Variants in POLR3F observed in about 807,000 individuals in gnomAD.
POLR3F encodes RNA polymerase III subunit F.
In POLR3F, 31 loss-of-function variants were observed where a neutral mutation model predicts 43.6. The ratio of observed to expected loss-of-function variants is 0.71; its 90% CI spans 0.53 to 0.96. The LOEUF (loss-of-function observed/expected upper bound fraction) is 0.96. Among genes scored for constraint, POLR3F ranks in the 40% least tolerant of loss-of-function variants. The probability of loss-of-function intolerance (pLI) is 0.00; values close to 1 mark genes in which losing one functional copy is unlikely to be tolerated. For missense variants in POLR3F, 316 were observed against 391.7 expected, an observed-to-expected ratio of 0.81 and a Z score of 1.63; for synonymous variants, 114 against 132.5, an observed-to-expected ratio of 0.86 and a Z score of 0.96.
At chr20:18,481,559 C>A (rs2148867869) in intron 7 of POLR3F, 60 bp from the exon 8 acceptor site, 1 of 1,157,018 alleles carries the variant, frequency 8.6e-7, no homozygotes, top group Non-Finnish European at 1.3e-6. Flanking sequence ...GTTTTTAACA[C>A]CCTCCAAGTG....
In POLR3F at chr20:18,467,569, G is replaced by A; in HGVS notation, c.62+1G>A. The A allele has an allele frequency of 1.9e-6, 3 of 1,614,230 alleles. No homozygotes were observed. In the South Asian group the frequency reaches 3.3e-5, roughly 18 times the overall value. ...CGGATCCGGTCGAAATAGAAAACAG[G>A]TAAACCAGTGAGGCTCCGGCTTGGC... is the stretch of plus-strand genomic sequence containing the variant. On this transcript the variant is annotated splice_donor_variant, in intron 1 of 8. Coordinates refer to ENST00000377603, the MANE Select transcript of POLR3F (RefSeq NM_006466.4). LOFTEE classifies it high-confidence loss of function.
At position 18,472,767 on chromosome 20, in the gene POLR3F, G is replaced by T. The variant is rs577433398; in HGVS notation, c.181-75G>T. 3.6e-4 allele frequency: 247 copies of T among 695,528 alleles called. 2 individuals are homozygous for T. In the African/African-American group the frequency reaches 4.3e-3, roughly 12 times the overall value. The allele number at this position is 695,528 out of a possible 1,614,324, so 43.1% of individuals were successfully genotyped here. A position where few individuals can be genotyped will look rare whatever the true frequency, so the allele number is the denominator to read the frequency against. ...TGAAAAATTAAGAATGTTAAAGAATGCATCAACATTTGTCATTTGATTTAA... is the reference window on the plus strand; with the variant it reads ...TGAAAAATTAAGAATGTTAAAGAATTCATCAACATTTGTCATTTGATTTAA... On this transcript the variant is annotated intron_variant, in intron 2 of 8. Transcript: ENST00000377603.
At chr20:18,473,666 G>A (rs887969609) in intron 4 of POLR3F, among the ~76,000 whole-genome samples, 1 of 152,192 alleles carries the variant, frequency 6.6e-6, no homozygotes, top group Non-Finnish European at 1.5e-5. Flanking sequence ...AAAGGGCTGT[G>A]TCCAGGGATG....
At position 18,483,552 on chromosome 20, in the gene POLR3F, AT is replaced by A; in HGVS notation, c.949del (p.Ter317AsnfsTer5). ...GTATTTACATGACAGAGTGGCTCGA[AT>A]TTTAATAGAGAGCTATGAACTTTAT... ...NCIYMTEWLE[F>X] On this transcript the variant is annotated frameshift_variant, in exon 9 of 9. Transcript: ENST00000377603. LOFTEE classifies it high-confidence loss of function. The A allele has an allele frequency of 7.0e-7, 1 of 1,421,900 alleles. No individual in the cohort carries two copies. Among genetic ancestry groups the A allele is most frequent in the Non-Finnish European group, 9.7e-7 (1 of 1,030,640 alleles). The allele number at this position is 1,421,900 out of a possible 1,614,324, so 88.1% of individuals were successfully genotyped here. A position where few individuals can be genotyped will look rare whatever the true frequency, so the allele number is the denominator to read the frequency against.
intron 5 of POLR3F, among the ~76,000 whole-genome samples, chr20:18,475,940 T>C (rs1367255587): frequency 1.3e-5 from 2 of 152,192 alleles, no homozygotes; most frequent in African/African-American, 4.8e-5. Flanking sequence ...TTTATCAGAA[T>C]AGCATTTCCC....
intron 8 of POLR3F, 46 bp from the exon 9 acceptor site, chr20:18,483,428 CTTAGATA>C (rs1248826666): frequency 6.0e-6 from 5 of 831,670 alleles, no homozygotes; most frequent in Admixed American, 5.1e-5. Flanking sequence ...GTGGTTGGGT[CTTAGATA>C]TTTTAAAACT....
intron 1 of POLR3F, among the ~76,000 whole-genome samples, chr20:18,468,195 G>A (rs2059713199): frequency 6.6e-6 from 1 of 152,146 alleles, no homozygotes; most frequent in African/African-American, 2.4e-5. Flanking sequence ...CCCTGCCTTA[G>A]CCTCCCGAGT....
In POLR3F at chr20:18,481,652, C is replaced by A; in HGVS notation, c.715C>A (p.Leu239Met). ...ATCCATGGAAGACATTGAAACCATC[C>A]TGAATACACTCATTTATGATGGAAA... Reference protein sequence around the residue: ...ELSMEDIETILNTLIYDGKVE... With the variant: ...ELSMEDIETIMNTLIYDGKVE... The change falls in exon 8 of 9, where the codon CTG becomes ATG. Residue 239 changes from leucine to methionine, a missense_variant. This residue lies in a region of POLR3F where 109 missense variants were observed against 177.7 expected (regional missense o/e 0.61). Transcript: ENST00000377603. 6.2e-7 allele frequency: 1 copy of A among 1,612,360 alleles called. No homozygotes were observed. The highest frequency in any genetic ancestry group is 8.5e-7 in the Non-Finnish European group (1 of 1,178,398).
At chr20:18,477,786 T>TG (rs1477702257) in intron 5 of POLR3F, among the ~76,000 whole-genome samples, 1 of 152,078 alleles carries the variant, frequency 6.6e-6, no homozygotes, top group Non-Finnish European at 1.5e-5. Context: ...TAGGGAAAGT[T>TG]GAATAGGTGA....
At chr20:18,479,696 A>T (rs1418772630) in intron 5 of POLR3F, among the ~76,000 whole-genome samples, 3 of 152,318 alleles carry the variant, frequency 2.0e-5, no homozygotes, top group Non-Finnish European at 4.4e-5. Context: ...GGTGTTTGAG[A>T]AACTGTCACA....
rs762801679 is a variant in POLR3F, at chr20:18,481,646, A to T, written c.709A>T (p.Thr237Ser). The change falls in exon 8 of 9, where the codon ACC (threonine) becomes TCC (serine). Residue 237 changes from threonine (T) to serine (S), a missense_variant. Thr to Ser is a moderately conservative substitution (Grantham distance 58, BLOSUM62 1). Transcript: ENST00000377603. The part of the protein sequence containing the change: ...KVELSMEDIE[T>S]ILNTLIYDGK... ...AGAGTTATCCATGGAAGACATTGAA[A>T]CCATCCTGAATACACTCATTTATGA... is the stretch of plus-strand genomic sequence containing the variant. 6.2e-7 allele frequency: 1 copy of T among 1,612,054 alleles called. No individual in the cohort carries two copies. Among genetic ancestry groups the T allele is most frequent in the Non-Finnish European group, 8.5e-7 (1 of 1,178,218 alleles).
chr20:18,475,113 C>T lies in POLR3F; in HGVS notation c.355C>T (p.Pro119Ser). 4 of 1,527,716 alleles carry T rather than the reference C, an allele frequency of 2.6e-6. No individual in the cohort carries two copies. Among genetic ancestry groups the T allele is most frequent in the Non-Finnish European group, 3.6e-6 (4 of 1,102,468 alleles). The allele number at this position is 1,527,716 out of a possible 1,614,324, so 94.6% of individuals were successfully genotyped here. A position where few individuals can be genotyped will look rare whatever the true frequency, so the allele number is the denominator to read the frequency against. The change falls in exon 5 of 9, where the codon CCA (proline) becomes TCA (serine). Residue 119 changes from proline to serine, a missense_variant. By Grantham distance (74) the Pro-to-Ser change is moderately conservative (BLOSUM62 -1). This residue lies in a region of POLR3F where 109 missense variants were observed against 177.7 expected (regional missense o/e 0.61). Transcript: ENST00000377603. Reference sequence around the variant, plus strand: ...AGATATCCGCTATAAAAGTAATTTGCCATTAACAGAAATCAACAAAATTCT... The same window carrying T: ...AGATATCCGCTATAAAAGTAATTTGTCATTAACAGAAATCAACAAAATTCT... ...SRDIRYKSNL[P>S]LTEINKILKN...
intron 2 of POLR3F, among the ~76,000 whole-genome samples, chr20:18,472,428 C>T (rs1174744237): frequency 6.6e-6 from 1 of 152,176 alleles, no homozygotes; most frequent in East Asian, 1.9e-4. Context: ...AAATGGACCA[C>T]CTGCCTTGAC....
At chr20:18,468,803 AT>A (rs2059726511) in intron 1 of POLR3F, 140 bp from the exon 2 acceptor site, 1 of 612,022 alleles carries the variant, frequency 1.6e-6, no homozygotes. Context: ...ACATGCTTTG[AT>A]CCAAAACCAT....
At chr20:18,470,423 A>G (rs1229692783) in intron 2 of POLR3F, among the ~76,000 whole-genome samples, 1 of 152,230 alleles carries the variant, frequency 6.6e-6, no homozygotes, top group Non-Finnish European at 1.5e-5. Flanking sequence ...CTACACTGTC[A>G]TTTTAGCAAG....
In POLR3F at chr20:18,473,008, G is replaced by T. The variant is rs573933584; in HGVS notation, c.248+99G>T. On this transcript the variant is annotated intron_variant, in intron 3 of 8. Transcript: ENST00000377603. Reference sequence around the variant, plus strand: ...ACAAAATTACATAAACCTGTCCTGTGTATCATCCCTGCCTCCTATGATATA... The same window carrying T: ...ACAAAATTACATAAACCTGTCCTGTTTATCATCCCTGCCTCCTATGATATA... The T allele has an allele frequency of 4.8e-5, 27 of 568,206 alleles. 1 individual carries two copies. The South Asian group carries it at 6.9e-4, about 14-fold the overall frequency. The allele number at this position is 568,206 out of a possible 1,614,324, so 35.2% of individuals were successfully genotyped here.
chr20:18,472,850 G>A lies in POLR3F; in HGVS notation c.189G>A (p.Leu63=). The A allele has an allele frequency of 1.4e-6, 2 of 1,435,510 alleles. No individual in the cohort carries two copies. The highest frequency in any genetic ancestry group is 1.9e-6 in the Non-Finnish European group (2 of 1,042,972). The allele number at this position is 1,435,510 out of a possible 1,614,324, so 88.9% of individuals were successfully genotyped here. A position where few individuals can be genotyped will look rare whatever the true frequency, so the allele number is the denominator to read the frequency against. The part of the protein sequence containing the change: ...AINRLLSMGQ[L]DLLRSNTGLL... ...ACTGTCTTAAAAACTAGGGTCAGTT[G>A]GATCTCTTAAGGAGCAATACGGGCC... The change falls in exon 3 of 9, where the codon TTG becomes TTA. Residue 63 remains leucine, a synonymous_variant. Coordinates refer to ENST00000377603, the MANE Select transcript of POLR3F (RefSeq NM_006466.4).
intron 2 of POLR3F, among the ~76,000 whole-genome samples, chr20:18,471,729 T>C (rs1383855751): frequency 6.6e-6 from 1 of 152,180 alleles, no homozygotes; most frequent in Admixed American, 6.5e-5. Flanking sequence ...CTGCCAGTAA[T>C]CCCAGCACTT....
intron 4 of POLR3F, among the ~76,000 whole-genome samples, chr20:18,474,518 T>A (rs763448989): frequency 1.8e-5 from 1 of 57,100 alleles, no homozygotes; most frequent in Non-Finnish European, 5.3e-5. Context: ...GTTTTCATAA[T>A]TTTTTTTTTC....
Sources: allele counts gnomAD v4.1 joint callset (sites outside exome capture counted in the v4.1 genomes callset), GRCh38; gene constraint gnomAD v4.1.1; regional missense constraint gnomAD v4.1.1; transcripts MANE v1.5; gene names NCBI Gene and HGNC (gene_info 2026-07-23, HGNC 2026-07-21).